TTC28: variants seen among roughly 807,000 people sequenced by gnomAD.
TTC28 encodes the protein tetratricopeptide repeat protein 28.
A neutral mutation model predicts 198.0 loss-of-function variants in TTC28; 61 were observed. The observed-to-expected ratio is 0.31, with a 90% confidence interval of 0.25 to 0.38. The LOEUF (loss-of-function observed/expected upper bound fraction) is 0.38, where lower values mean the gene tolerates loss of function less well. Ranked by LOEUF, TTC28 falls within the 10% of genes least tolerant of loss-of-function variation. TTC28 has a pLI of 1.00. For missense variants in TTC28, 2,678 were observed against 3,164.0 expected (o/e 0.85, Z 3.69); for synonymous variants, 1,171 against 1,297.8 (o/e 0.90, Z 2.10).
intron 7 of TTC28, among the ~76,000 whole-genome samples, chr22:28,106,525 C>T (rs922103799): frequency 1.3e-5 from 2 of 152,084 alleles, no homozygotes; most frequent in African/African-American, 4.8e-5. Flanking sequence ...ACTGTTAAAA[C>T]TATTAAGATA....
intron 6 of TTC28, among the ~76,000 whole-genome samples, chr22:28,140,519 C>T (rs1034857643): frequency 6.6e-6 from 1 of 152,226 alleles, no homozygotes; most frequent in Non-Finnish European, 1.5e-5. Context: ...CCACCTATGT[C>T]AACATTCATG....
intron 2 of TTC28, among the ~76,000 whole-genome samples, chr22:28,338,710 C>CTGCATTGGTTATTCTAGTTAGCCATTTG (rs1431743030): frequency 1.3e-5 from 2 of 152,156 alleles, no homozygotes; most frequent in Non-Finnish European, 2.9e-5. Flanking sequence ...AAGGACTTCT[C>CTGCATTGGTTATTCTAGTTAGCCATTTG]TGCATTGGTT....
At chr22:28,532,548 C>T (rs1175930088) in intron 2 of TTC28, among the ~76,000 whole-genome samples, 1 of 152,220 alleles carries the variant, frequency 6.6e-6, no homozygotes, top group Non-Finnish European at 1.5e-5. Flanking sequence ...TCCTCCCTAA[C>T]TCATTTTATG....
chr22:28,146,184 G>C (rs747806566), intron 6 of TTC28, among the ~76,000 whole-genome samples: 5 of 152,320 alleles, frequency 3.3e-5, no homozygotes, highest in East Asian at 1.9e-4. Context: ...TTGTATACAG[G>C]CTTCTTGGTA....
intron 2 of TTC28, among the ~76,000 whole-genome samples, chr22:28,521,414 A>T (rs937599837): frequency 6.0e-5 from 9 of 150,760 alleles, no homozygotes; most frequent in African/African-American, 2.2e-4. Context: ...CTCTTACATT[A>T]AAAAAAAAGC....
Position 28,650,688 on chromosome 22 carries a change from A to G in TTC28, c.103-20858T>C, listed in dbSNP as rs574263792. On this transcript the variant is annotated intron_variant, in intron 1 of 22. Transcript: ENST00000397906. ...CATCATCCAAGGGAGAGAGAAACCTAGGTCTAACTATACAAGCATAGGATT... is the reference window on the plus strand; with the variant it reads ...CATCATCCAAGGGAGAGAGAAACCTGGGTCTAACTATACAAGCATAGGATT... 3.3e-5 allele frequency among the ~76,000 whole-genome samples: 5 copies of G among 152,348 alleles called. No homozygotes were observed. The East Asian group carries it at 5.8e-4, about 18-fold the overall frequency.
intron 8 of TTC28, among the ~76,000 whole-genome samples, chr22:28,103,816 A>T (rs1363824686): frequency 6.6e-6 from 1 of 152,256 alleles, no homozygotes; most frequent in Non-Finnish European, 1.5e-5. Flanking sequence ...TATTTCAGGA[A>T]GTACAAAAGA....
chr22:28,501,498 C>T (rs953051922), intron 2 of TTC28, among the ~76,000 whole-genome samples: 1 of 152,100 alleles, frequency 6.6e-6, no homozygotes, highest in African/African-American at 2.4e-5. Flanking sequence ...CATAAAGGTT[C>T]TGGAATGTCA....
At chr22:28,456,244 C>T (rs926527370) in intron 2 of TTC28, among the ~76,000 whole-genome samples, 7 of 151,596 alleles carry the variant, frequency 4.6e-5, no homozygotes, top group Admixed American at 3.3e-4. Flanking sequence ...ATGTATAATC[C>T]GATCCCATTT....
intron 1 of TTC28, among the ~76,000 whole-genome samples, chr22:28,677,547 T>C (rs569070397): frequency 6.6e-6 from 1 of 152,084 alleles, no homozygotes; most frequent in African/African-American, 2.4e-5. Context: ...GCTGAGGCAT[T>C]AGAATCGCTG....
intron 5 of TTC28, among the ~76,000 whole-genome samples, chr22:28,169,106 A>AT (rs1019519979): frequency 6.6e-5 from 10 of 152,248 alleles, no homozygotes; most frequent in African/African-American, 2.4e-4. Flanking sequence ...AGAAATGCAA[A>AT]TCAAAACCAC....
chr22:28,611,810 C>A (rs1024485823), intron 2 of TTC28, among the ~76,000 whole-genome samples: 2 of 151,858 alleles, frequency 1.3e-5, no homozygotes, highest in African/African-American at 4.8e-5. Flanking sequence ...TTTCCAATTT[C>A]ATCCATGTCC....
intron 2 of TTC28, among the ~76,000 whole-genome samples, chr22:28,469,774 T>G (rs1383235889): frequency 6.6e-6 from 1 of 152,206 alleles, no homozygotes; most frequent in Non-Finnish European, 1.5e-5. Context: ...TGAAATTAAT[T>G]TCAGACTTTT....
At chr22:28,630,810 A>G (rs913053376) in intron 1 of TTC28, among the ~76,000 whole-genome samples, 4 of 152,224 alleles carry the variant, frequency 2.6e-5, no homozygotes, top group Non-Finnish European at 5.9e-5. Flanking sequence ...ACATACATGT[A>G]TATTTGTATT....
In TTC28 at chr22:28,173,927, A is replaced by G. The variant is rs79554082; in HGVS notation, c.934-10328T>C. Among the ~76,000 whole-genome samples the G allele has an allele frequency of 3.4e-3, 511 of 152,352 alleles. 4 individuals carry two copies. The highest frequency in any genetic ancestry group is 0.027 in the South Asian group (129 of 4,830). On this transcript the variant is annotated intron_variant, in intron 5 of 22. Coordinates refer to ENST00000397906, the MANE Select transcript of TTC28 (RefSeq NM_001145418.2). ...CAGTGTTATACACAGAATATTCAATATAATTGCTGATTGATTCACTACATG... is the reference window on the plus strand; with the variant it reads ...CAGTGTTATACACAGAATATTCAATGTAATTGCTGATTGATTCACTACATG...
At chr22:28,382,743 T>G (rs2046514648) in intron 2 of TTC28, among the ~76,000 whole-genome samples, 1 of 152,100 alleles carries the variant, frequency 6.6e-6, no homozygotes, top group Non-Finnish European at 1.5e-5. Context: ...TAAAGTAGAC[T>G]GCAAAACAAA....
intron 14 of TTC28, among the ~76,000 whole-genome samples, chr22:28,010,465 G>C (rs890755066): frequency 6.6e-6 from 1 of 152,156 alleles, no homozygotes; most frequent in Non-Finnish European, 1.5e-5. Flanking sequence ...GACCTGTGGC[G>C]CTGGGGAAGC....
At chr22:28,559,046 AAG>A (rs956545603) in intron 2 of TTC28, among the ~76,000 whole-genome samples, 1 of 152,160 alleles carries the variant, frequency 6.6e-6, no homozygotes, top group African/African-American at 2.4e-5. Context: ...AAAAAAAAAA[AAG>A]AGAGAATTTC....
chr22:27,985,098 C>G, intron 22 of TTC28, 151 bp downstream of exon 22: 1 of 575,260 alleles, frequency 1.7e-6, no homozygotes. Context: ...GTTTCCTGCT[C>G]CTGAATAGTC....
Sources: allele counts gnomAD v4.1 joint callset (sites outside exome capture counted in the v4.1 genomes callset), GRCh38; gene constraint gnomAD v4.1.1; transcripts MANE v1.5; gene names NCBI Gene and HGNC (gene_info 2026-07-23, HGNC 2026-07-21).